The following SLC30A8 variants were observed in gnomAD, a reference collection of about 807,000 sequenced individuals.
The protein encoded by SLC30A8 is solute carrier family 30 member 8, also known as proton-coupled zinc antiporter SLC30A8.
In SLC30A8, 27 loss-of-function variants were observed where a neutral mutation model predicts 36.9. The ratio of observed to expected loss-of-function variants is 0.73; its 90% CI spans 0.54 to 1.01. SLC30A8 has a LOEUF of 1.01. Among genes scored for constraint, SLC30A8 ranks in the 50% least tolerant of loss-of-function variants. The pLI is 0.00. For missense variants in SLC30A8, 439 were observed against 452.0 expected (o/e 0.97, Z 0.26); for synonymous variants, 164 against 172.4 (o/e 0.95, Z 0.38).
chr8:116,997,218 G>C (rs1468202228), intron 1 of SLC30A8, among the ~76,000 whole-genome samples: 4 of 152,086 alleles, frequency 2.6e-5, no homozygotes, highest in Admixed American at 1.3e-4. Context: ...GGGGCTAATG[G>C]GTTACAAAAT....
In SLC30A8 at chr8:117,166,903, G is replaced by C. The variant is rs1823085773; in HGVS notation, c.829+3373G>C. On this transcript the variant is annotated intron_variant, in intron 6 of 7. Coordinates refer to ENST00000456015, the MANE Select transcript of SLC30A8 (RefSeq NM_173851.3). ...ATACATTTAAAGGTTTGTTCTTGGT[G>C]GTCACTATAATTGTTGAAAGATAAT... is the stretch of plus-strand genomic sequence containing the variant. Among the ~76,000 whole-genome samples, 4 of 150,426 alleles carry C rather than the reference G, an allele frequency of 2.7e-5. No homozygotes were observed. In the South Asian group the frequency reaches 8.4e-4, roughly 32 times the overall value.
intron 1 of SLC30A8, among the ~76,000 whole-genome samples, chr8:117,027,313 T>C (rs1816907309): frequency 6.6e-6 from 1 of 152,174 alleles, no homozygotes; most frequent in African/African-American, 2.4e-5. Context: ...GCCTGTTTTG[T>C]CAGGTTCTTC....
At chr8:117,083,293 C>T (rs1430381288) in intron 2 of SLC30A8, among the ~76,000 whole-genome samples, 1 of 152,132 alleles carries the variant, frequency 6.6e-6, no homozygotes, top group Admixed American at 6.5e-5. Flanking sequence ...TGATTCCTCC[C>T]ATTGCTGACA....
chr8:117,033,117 C>G (rs1290060891), intron 1 of SLC30A8, among the ~76,000 whole-genome samples: 3 of 152,138 alleles, frequency 2.0e-5, no homozygotes, highest in Non-Finnish European at 4.4e-5. Context: ...CTTGGCATGA[C>G]CATGGGACAC....
intron 2 of SLC30A8, among the ~76,000 whole-genome samples, chr8:117,054,852 T>C (rs1817821703): frequency 6.6e-6 from 1 of 152,112 alleles, no homozygotes; most frequent in African/African-American, 2.4e-5. Context: ...CACAGAACAT[T>C]TTATTCAGAG....
At chr8:116,951,471 C>T (rs1586317263) in intron 1 of SLC30A8, among the ~76,000 whole-genome samples, 1 of 152,148 alleles carries the variant, frequency 6.6e-6, no homozygotes, top group Admixed American at 6.5e-5. Context: ...TGCTCCAAAA[C>T]GCCTTCTCTC....
chr8:117,017,165 GC>G (rs1330528716), intron 1 of SLC30A8, among the ~76,000 whole-genome samples: 1 of 152,094 alleles, frequency 6.6e-6, no homozygotes, highest in Non-Finnish European at 1.5e-5. Flanking sequence ...TATATGTGAG[GC>G]ACTAGAACTG....
intron 2 of SLC30A8, chr8:117,055,737 A>G (rs553931068): frequency 2.6e-5 from 4 of 152,342 alleles, no homozygotes; most frequent in South Asian, 2.1e-4. Context: ...GAGTGTTTGT[A>G]TAGAGAATTT....
In SLC30A8 at chr8:117,135,272, C is replaced by A; in HGVS notation, c.-56C>A. ...TTGCAGTGCTGCTTTGCTTCCAAAA[C>A]TGGGCAGTGAGTTCAACAACAACGA... On this transcript the variant is annotated 5_prime_UTR_variant, in exon 1 of 8. It adds an upstream start codon to the 5' untranslated region. Coordinates refer to ENST00000456015, the MANE Select transcript of SLC30A8 (RefSeq NM_173851.3). 1 of 1,344,170 alleles carries A rather than the reference C, an allele frequency of 7.4e-7. No individual in the cohort carries two copies. The highest frequency in any genetic ancestry group is 1.0e-6 in the Non-Finnish European group (1 of 963,372). The allele number at this position is 1,344,170 out of a possible 1,614,324, so 83.3% of individuals were successfully genotyped here. A position where few individuals can be genotyped will look rare whatever the true frequency, so the allele number is the denominator to read the frequency against.
chr8:117,112,298 C>T lies in SLC30A8; in HGVS notation c.-225-22982C>T, dbSNP rs77737713. 3.5e-3 allele frequency among the ~76,000 whole-genome samples: 526 copies of T among 152,204 alleles called. 8 individuals are homozygous for T. The East Asian group carries it at 0.062, about 18-fold the overall frequency. On this transcript the variant is annotated intron_variant, in intron 2 of 10. Coordinates refer to the SLC30A8 transcript ENST00000427715. ...TGTGGGTTGTATTGTTCTGTCTCACCAACCATTCAGAGAATTTTAATTAAG... is the reference window on the plus strand; with the variant it reads ...TGTGGGTTGTATTGTTCTGTCTCACTAACCATTCAGAGAATTTTAATTAAG...
chr8:117,111,758 C>T (rs1820237690), intron 2 of SLC30A8, among the ~76,000 whole-genome samples: 1 of 152,092 alleles, frequency 6.6e-6, no homozygotes, highest in African/African-American at 2.4e-5. Flanking sequence ...ATGAAGTCGA[C>T]CTGGAGGAAG....
chr8:117,038,037 TA>T (rs1420029833), intron 1 of SLC30A8, among the ~76,000 whole-genome samples: 1 of 152,092 alleles, frequency 6.6e-6, no homozygotes, highest in Non-Finnish European at 1.5e-5. Context: ...CTGGCTAGGG[TA>T]ATGAAAAAAA....
chr8:117,151,318 T>C (rs1028576648), intron 2 of SLC30A8, among the ~76,000 whole-genome samples: 9 of 152,222 alleles, frequency 5.9e-5, no homozygotes, highest in African/African-American at 2.2e-4. Flanking sequence ...TGTTTATCTT[T>C]GTATACCCAA....
intron 2 of SLC30A8, among the ~76,000 whole-genome samples, chr8:117,114,530 A>AC (rs1454611736): frequency 6.6e-6 from 1 of 151,978 alleles, no homozygotes; most frequent in Non-Finnish European, 1.5e-5. Context: ...GGCTAAGCTG[A>AC]CCCCCGTCAG....
At chr8:117,061,108 A>G (rs1363545548) in intron 2 of SLC30A8, among the ~76,000 whole-genome samples, 1 of 152,230 alleles carries the variant, frequency 6.6e-6, no homozygotes, top group African/African-American at 2.4e-5. Context: ...TAGATGGAAG[A>G]GTATAAATTG....
chr8:116,990,949 TGAGA>T (rs139541141), intron 1 of SLC30A8, among the ~76,000 whole-genome samples: 3,770 of 152,170 alleles, frequency 0.025, 158 homozygotes, highest in African/African-American at 0.086. Context: ...ACAGAAAGAC[TGAGA>T]GAGAGAGAAA....
intron 1 of SLC30A8, among the ~76,000 whole-genome samples, chr8:117,020,859 A>G (rs1563751363): frequency 6.6e-6 from 1 of 152,208 alleles, no homozygotes; most frequent in Non-Finnish European, 1.5e-5. Flanking sequence ...TTATATGACT[A>G]TAAAAACCTA....
intron 1 of SLC30A8, among the ~76,000 whole-genome samples, chr8:116,951,273 A>C (rs1053777871): frequency 6.6e-6 from 1 of 152,208 alleles, no homozygotes; most frequent in Non-Finnish European, 1.5e-5. Context: ...TTACCAACTC[A>C]TTAGTGTGAA....
intron 2 of SLC30A8, among the ~76,000 whole-genome samples, chr8:117,125,133 G>C (rs935871486): frequency 6.6e-6 from 1 of 151,930 alleles, no homozygotes; most frequent in South Asian, 2.1e-4. Context: ...CTGAGCAACC[G>C]ATCTCCAGGT....
Sources: allele counts gnomAD v4.1 joint callset (sites outside exome capture counted in the v4.1 genomes callset), GRCh38; gene constraint gnomAD v4.1.1; transcripts MANE v1.5; gene names NCBI Gene and HGNC (gene_info 2026-07-23, HGNC 2026-07-21).